The following AOX1 variants were observed in gnomAD, a reference collection of about 807,000 sequenced individuals.
The protein encoded by AOX1 is aldehyde oxidase.
A neutral mutation model predicts 169.5 loss-of-function variants in AOX1; 153 were observed. The observed-to-expected ratio is 0.90, with a 90% CI of 0.79 to 1.03. The LOEUF is 1.03. Among genes scored for constraint, AOX1 ranks in the 50% least tolerant of loss-of-function variants. The probability of loss-of-function intolerance (pLI) is 0.00; values close to 1 mark genes in which losing one functional copy is unlikely to be tolerated. For missense variants in AOX1, 1,656 were observed against 1,663.9 expected, an observed-to-expected ratio of 1.00 and a Z score of 0.08; for synonymous variants, 562 against 581.9, an observed-to-expected ratio of 0.97 and a Z score of 0.49.
intron 22 of AOX1, among the ~76,000 whole-genome samples, chr2:200,637,469 G>A (rs760413006): frequency 2.2e-4 from 33 of 151,666 alleles, no homozygotes; most frequent in East Asian, 7.8e-4. Flanking sequence ...GTTTATAAAC[G>A]TATATGTATG....
chr2:200,615,917 T>C, intron 15 of AOX1, 54 bp from the exon 16 acceptor site: 1 of 1,363,812 alleles, frequency 7.3e-7, no homozygotes, highest in East Asian at 2.3e-5. Context: ...ACTTCCAAAA[T>C]CATTCTGGTG....
At chr2:200,667,485 T>C (rs1055427241) in intron 32 of AOX1, among the ~76,000 whole-genome samples, 4 of 143,094 alleles carry the variant, frequency 2.8e-5, no homozygotes, top group Non-Finnish European at 3.1e-5. Flanking sequence ...ATTGCATTAT[T>C]GGCGAATGGG....
At chr2:200,618,180 C>T (rs969667904) in intron 16 of AOX1, among the ~76,000 whole-genome samples, 3 of 152,156 alleles carry the variant, frequency 2.0e-5, no homozygotes, top group Admixed American at 6.5e-5. Context: ...TTATTTTTCT[C>T]GATAGTCTCC....
chr2:200,613,904 ACT>A lies in AOX1; in HGVS notation c.1553_1554del (p.Leu518HisfsTer26). 6.2e-7 allele frequency: 1 copy of A among 1,612,480 alleles called. No individual in the cohort carries two copies. The highest frequency in any genetic ancestry group is 1.1e-5 in the South Asian group (1 of 90,998). On this transcript the variant is annotated frameshift_variant, in exon 15 of 35. Transcript: ENST00000374700. LOFTEE classifies it high-confidence loss of function. ...AGGTGGGAAAGTGGAGTTCAAGAGGACTCTCATCATCAGCTTCCTCTTCAAGT... is the reference window on the plus strand; with the variant it reads ...AGGTGGGAAAGTGGAGTTCAAGAGGACTCATCATCAGCTTCCTCTTCAAGT... Reference protein sequence around the residue: ...APGGKVEFKRTLIISFLFKFY... With the variant: ...APGGKVEFKRXLIISFLFKFY...
downstream of AOX1, among the ~76,000 whole-genome samples, chr2:200,680,519 T>C (rs2036142565): frequency 7.3e-6 from 1 of 137,526 alleles, no homozygotes; most frequent in Non-Finnish European, 1.6e-5. Flanking sequence ...CAGTGTGTGT[T>C]TGTCTCAGGG....
At chr2:200,652,147 G>A (rs527521317) in intron 26 of AOX1, among the ~76,000 whole-genome samples, 1 of 152,190 alleles carries the variant, frequency 6.6e-6, no homozygotes, top group East Asian at 1.9e-4. Flanking sequence ...GATCAGAAGA[G>A]GCCAGGAAAA....
chr2:200,636,100 G>A (rs1370429117), intron 21 of AOX1, among the ~76,000 whole-genome samples: 2 of 135,792 alleles, frequency 1.5e-5, no homozygotes, highest in African/African-American at 5.4e-5. Context: ...AGCAATCCAA[G>A]CAAGAAGTGA....
intron 31 of AOX1, among the ~76,000 whole-genome samples, chr2:200,664,889 G>GCC: frequency 6.6e-6 from 1 of 152,230 alleles, no homozygotes; most frequent in Non-Finnish European, 1.5e-5. Context: ...CCACTTCTGA[G>GCC]GGGCTGGCCT....
chr2:200,605,522 T>C lies in AOX1; in HGVS notation c.815-14T>C. On this transcript the variant is annotated splice_polypyrimidine_tract_variant and intron_variant, in intron 9 of 34. Transcript: ENST00000374700. ...TCTAGTCTTATTGATTTTTTTTTTT[T>C]TTTGATCCTTTAGGGCCTGAAGTGA... 1 of 1,390,610 alleles carries C rather than the reference T, an allele frequency of 7.2e-7. No individual in the cohort carries two copies. Among genetic ancestry groups the C allele is most frequent in the Non-Finnish European group, 9.6e-7 (1 of 1,037,034 alleles). 86.1% of individuals were successfully genotyped at this position (1,390,610 alleles called of 1,614,324 possible). A position where few individuals can be genotyped will look rare whatever the true frequency, so the allele number is the denominator to read the frequency against.
chr2:200,604,173 C>G (rs757007070), intron 8 of AOX1, 76 bp downstream of exon 8: 1 of 1,104,032 alleles, frequency 9.1e-7, no homozygotes, highest in Non-Finnish European at 1.4e-6. Flanking sequence ...TTTATGGGTT[C>G]TCTCAAAAGC....
Position 200,670,655 on chromosome 2 carries a change from C to T in AOX1, c.3993C>T (p.Tyr1331=), listed in dbSNP as rs1355024459. ...TTCCGAGAGATGAACCTGGATCCTACGTTCCTTGGAATGTACCCATCTGAA... is the reference window on the plus strand; with the variant it reads ...TTCCGAGAGATGAACCTGGATCCTATGTTCCTTGGAATGTACCCATCTGAA... ...KMIPRDEPGS[Y]VPWNVPI is the part of the protein sequence containing the mutation. Residue 1331 remains tyrosine, a synonymous_variant, in exon 35 of 35, where the codon TAC becomes TAT. Transcript: ENST00000374700. 2.5e-6 allele frequency: 4 copies of T among 1,612,652 alleles called. No homozygotes were observed. Among genetic ancestry groups the T allele is most frequent in the African/African-American group, 1.3e-5 (1 of 74,908 alleles).
chr2:200,654,831 T>C (rs774583315), intron 26 of AOX1, among the ~76,000 whole-genome samples: 3 of 152,230 alleles, frequency 2.0e-5, no homozygotes, highest in Non-Finnish European at 4.4e-5. Context: ...TGCAGAATTA[T>C]CTTTTGTGGC....
In AOX1 at chr2:200,634,876, G is replaced by A. The variant is rs1213961190; in HGVS notation, c.2307G>A (p.Met769Ile). 2.5e-6 allele frequency: 4 copies of A among 1,613,982 alleles called. No individual in the cohort carries two copies. The African/African-American group carries it at 5.3e-5, about 22-fold the overall frequency. ...TTCCCAAGGGAGAGGATCAAGAAAT[G>A]GATGTCTACGTGTCCACACAGTTTC... The part of the protein sequence containing the change: ...LVVPKGEDQE[M>I]DVYVSTQFPK... The change falls in exon 21 of 35, where the codon ATG becomes ATA. Residue 769 changes from methionine (M) to isoleucine (I), a missense_variant. By Grantham distance (10) the Met-to-Ile change is conservative. Transcript: ENST00000374700.
At position 200,612,636 on chromosome 2, in the gene AOX1, G is replaced by A. The variant is rs1190159171; in HGVS notation, c.1291G>A (p.Ala431Thr). Residue 431 changes from alanine (A) to threonine (T), a missense_variant, in exon 14 of 35, where the codon GCC (alanine) becomes ACC (threonine). Transcript: ENST00000374700. ...KWEFVSAFRQ[A>T]QRQENALAIV... ...GGAATTTGTGTCAGCCTTCCGACAA[G>A]CCCAGCGACAGGAGAATGCGCTAGC... The A allele has an allele frequency of 7.4e-6, 12 of 1,613,812 alleles. No individual in the cohort carries two copies. Among genetic ancestry groups the A allele is most frequent in the Non-Finnish European group, 1.0e-5 (12 of 1,179,966 alleles).
chr2:200,650,371 G>A (rs1449852513), intron 25 of AOX1, among the ~76,000 whole-genome samples: 1 of 152,144 alleles, frequency 6.6e-6, no homozygotes, highest in African/African-American at 2.4e-5. Context: ...GAGGGGGCTG[G>A]CCACAAGTGC....
Position 200,599,716 on chromosome 2 carries a change from A to T in AOX1, c.406A>T (p.Thr136Ser). ...YTLLRNHPEPTLDQLTDALGG... is the reference protein window; with the variant it reads ...YTLLRNHPEPSLDQLTDALGG... Reference sequence around the variant, plus strand: ...GCTGCTCAGGAACCACCCAGAGCCCACTCTGGATCAGTTAACTGATGCCCT... The same window carrying T: ...GCTGCTCAGGAACCACCCAGAGCCCTCTCTGGATCAGTTAACTGATGCCCT... The change falls in exon 5 of 35, where the codon ACT (threonine) becomes TCT (serine). Residue 136 changes from threonine to serine, a missense_variant. Thr to Ser is a moderately conservative substitution (Grantham distance 58). Coordinates refer to ENST00000374700, the MANE Select transcript of AOX1 (RefSeq NM_001159.4). 6.2e-7 allele frequency: 1 copy of T among 1,606,282 alleles called. No individual in the cohort carries two copies. The highest frequency in any genetic ancestry group is 8.5e-7 in the Non-Finnish European group (1 of 1,175,480).
chr2:200,638,101 G>A, intron 22 of AOX1, 114 bp from the exon 23 acceptor site: 1 of 846,676 alleles, frequency 1.2e-6, no homozygotes, highest in South Asian at 1.5e-5. Flanking sequence ...AAATAGTTGT[G>A]TTGTTCTGTG....
chr2:200,662,157 G>T (rs1011595430), intron 30 of AOX1, among the ~76,000 whole-genome samples: 2 of 152,216 alleles, frequency 1.3e-5, no homozygotes, highest in African/African-American at 4.8e-5. Context: ...TCTGAGAGCA[G>T]GGTGATGTAG....
chr2:200,669,030 C>T (rs2035976945), intron 33 of AOX1, among the ~76,000 whole-genome samples: 1 of 152,202 alleles, frequency 6.6e-6, no homozygotes, highest in Non-Finnish European at 1.5e-5. Flanking sequence ...TCTAATTTTT[C>T]ACCTTGCAAT....
Sources: allele counts gnomAD v4.1 joint callset (sites outside exome capture counted in the v4.1 genomes callset), GRCh38; gene constraint gnomAD v4.1.1; transcripts MANE v1.5; gene names NCBI Gene and HGNC (gene_info 2026-07-23, HGNC 2026-07-21).